ATRNL1: variants seen among roughly 807,000 people sequenced by gnomAD.
ATRNL1 encodes the protein attractin-like protein 1.
A neutral mutation model predicts 182.7 loss-of-function variants in ATRNL1; 95 were observed. The observed-to-expected ratio is 0.52, with a 90% CI of 0.44 to 0.62. The LOEUF is 0.62. Ranked by LOEUF, ATRNL1 falls within the 20% of genes least tolerant of loss-of-function variation. The pLI is 0.00. For synonymous variants in ATRNL1, 576 were observed against 568.3 expected (o/e 1.01, Z -0.19); for missense variants, 1,471 against 1,679.5 (o/e 0.88, Z 2.17).
At chr10:115,204,189 A>G (rs72836574) in intron 8 of ATRNL1, among the ~76,000 whole-genome samples, 1 of 151,668 alleles carries the variant, frequency 6.6e-6, no homozygotes, top group South Asian at 2.1e-4. Flanking sequence ...TTTTTTACAG[A>G]TTTTTGGTGG....
At chr10:115,837,015 CA>C (rs1950689968) in intron 27 of ATRNL1, among the ~76,000 whole-genome samples, 1 of 152,018 alleles carries the variant, frequency 6.6e-6, no homozygotes, top group South Asian at 2.1e-4. Context: ...TAAGTAAAAC[CA>C]GGGAAAGGAT....
At chr10:115,591,016 G>A (rs183244807) in intron 26 of ATRNL1, among the ~76,000 whole-genome samples, 36 of 152,246 alleles carry the variant, frequency 2.4e-4, no homozygotes, top group East Asian at 1.9e-4. Context: ...TTGAGAATCC[G>A]TCTTTTTTGG....
In ATRNL1 at chr10:115,093,454, T is replaced by A. The variant is rs1375315074; in HGVS notation, c.-297T>A. ...CCCCTCAGGAGCGCCGGGCGCAGTC[T>A]GCGCCTCCCGCTCCCCGCCTCCGGC... On this transcript the variant is annotated 5_prime_UTR_variant, in exon 1 of 29. Transcript: ENST00000355044. The surrounding 1 kb of genome is among the most constrained non-coding windows in gnomAD (Gnocchi z 6.1). 5.6e-6 allele frequency: 3 copies of A among 536,508 alleles called. No homozygotes were observed. The highest frequency in any genetic ancestry group is 5.4e-5 in the Admixed American group (2 of 37,162). The allele number at this position is 536,508 out of a possible 1,614,324, so 33.2% of individuals were successfully genotyped here. A position where few individuals can be genotyped will look rare whatever the true frequency, so the allele number is the denominator to read the frequency against.
At chr10:115,621,276 T>TATATATATATAGAGAGAGAG (rs1268020830) in intron 26 of ATRNL1, among the ~76,000 whole-genome samples, 23 of 47,574 alleles carry the variant, frequency 4.8e-4, no homozygotes, top group South Asian at 1.0e-3. Flanking sequence ...TATATATATA[T>TATATATATATAGAGAGAGAG]AGAGAGAGAG....
intron 4 of ATRNL1, among the ~76,000 whole-genome samples, chr10:115,128,097 A>G (rs1845053791): frequency 6.6e-6 from 1 of 152,176 alleles, no homozygotes; most frequent in Non-Finnish European, 1.5e-5. Context: ...TATGGGAGCT[A>G]AGTTTTTGTA....
At chr10:115,115,996 A>C (rs781808326) in intron 1 of ATRNL1, among the ~76,000 whole-genome samples, 6 of 152,098 alleles carry the variant, frequency 3.9e-5, no homozygotes, top group Non-Finnish European at 7.4e-5. Flanking sequence ...TTGACAAGGC[A>C]TATGGATATG....
At chr10:115,690,695 T>C (rs1325221836) in intron 26 of ATRNL1, among the ~76,000 whole-genome samples, 1 of 152,092 alleles carries the variant, frequency 6.6e-6, no homozygotes, top group Admixed American at 6.5e-5. Flanking sequence ...GGGGCTATGA[T>C]TCCCAGGGCA....
intron 9 of ATRNL1, among the ~76,000 whole-genome samples, chr10:115,230,901 GA>G (rs1849904777): frequency 6.7e-6 from 1 of 148,482 alleles, no homozygotes; most frequent in Non-Finnish European, 1.5e-5. Flanking sequence ...GAGAGAGAGA[GA>G]GAGAGAGAGA....
At chr10:115,367,470 TC>T (rs1184389353) in intron 19 of ATRNL1, among the ~76,000 whole-genome samples, 1 of 149,800 alleles carries the variant, frequency 6.7e-6, no homozygotes, top group Non-Finnish European at 1.5e-5. Flanking sequence ...TTGAATGTCC[TC>T]CCATAGCTCA....
chr10:115,169,063 A>G (rs1391139680), intron 7 of ATRNL1, among the ~76,000 whole-genome samples: 1 of 143,706 alleles, frequency 7.0e-6, no homozygotes, highest in Non-Finnish European at 1.5e-5. Flanking sequence ...TCCTAGCACC[A>G]TTTGTTCACA....
chr10:115,370,982 G>A (rs560330894), intron 19 of ATRNL1, among the ~76,000 whole-genome samples: 61 of 152,234 alleles, frequency 4.0e-4, no homozygotes, highest in Admixed American at 6.5e-4. Context: ...CATCCTAGCC[G>A]CTCCAGCCAT....
At chr10:115,638,546 G>T (rs1859038185) in intron 26 of ATRNL1, among the ~76,000 whole-genome samples, 1 of 152,192 alleles carries the variant, frequency 6.6e-6, no homozygotes, top group Non-Finnish European at 1.5e-5. Context: ...GACACTTTGA[G>T]AGTAGGGAAT....
intron 26 of ATRNL1, among the ~76,000 whole-genome samples, chr10:115,722,278 T>A (rs1271841363): frequency 6.6e-6 from 1 of 151,976 alleles, no homozygotes; most frequent in African/African-American, 2.4e-5. Context: ...AAATAACAAC[T>A]GTAACCTGAA....
At chr10:115,780,424 C>T (rs1021616532) in intron 27 of ATRNL1, among the ~76,000 whole-genome samples, 1 of 152,202 alleles carries the variant, frequency 6.6e-6, no homozygotes, top group Non-Finnish European at 1.5e-5. Flanking sequence ...TAGTGCTGTA[C>T]TGGGCCAGTA....
At chr10:115,702,061 G>T (rs1307885612) in intron 26 of ATRNL1, among the ~76,000 whole-genome samples, 1 of 151,950 alleles carries the variant, frequency 6.6e-6, no homozygotes, top group Non-Finnish European at 1.5e-5. Context: ...ACGTCAAAAA[G>T]TTAATTCACC....
intron 26 of ATRNL1, among the ~76,000 whole-genome samples, chr10:115,665,095 C>G (rs1314493394): frequency 6.6e-6 from 1 of 152,078 alleles, no homozygotes; most frequent in African/African-American, 2.4e-5. Context: ...CTCATTAATA[C>G]AGAGAATGTA....
intron 8 of ATRNL1, among the ~76,000 whole-genome samples, chr10:115,172,891 T>G (rs1451244237): frequency 6.6e-6 from 1 of 151,672 alleles, no homozygotes; most frequent in African/African-American, 2.4e-5. Flanking sequence ...AAGTTTATAA[T>G]TACTCATGTC....
At chr10:115,862,435 C>A (rs782414202) in intron 28 of ATRNL1, among the ~76,000 whole-genome samples, 4 of 152,198 alleles carry the variant, frequency 2.6e-5, no homozygotes, top group African/African-American at 4.8e-5. Context: ...TCCATTTTAG[C>A]TCTTTGTGCA....
intron 27 of ATRNL1, among the ~76,000 whole-genome samples, chr10:115,743,100 G>A (rs1390574506): frequency 3.3e-5 from 5 of 151,916 alleles, no homozygotes; most frequent in African/African-American, 1.2e-4. Context: ...ACAGCATAGA[G>A]GTAACCACTC....
Sources: gnomAD v4.1 joint callset for allele counts (sites outside exome capture counted in the v4.1 genomes callset) on GRCh38, gnomAD v4.1.1 for gene constraint, Gnocchi (gnomAD v3.1) non-coding constraint, MANE v1.5 for transcripts, NCBI Gene and HGNC (gene_info 2026-07-23, HGNC 2026-07-21) for gene names.